The following GRIK1 variants were observed in gnomAD, a reference collection of about 807,000 sequenced individuals.
GRIK1 encodes glutamate receptor ionotropic, kainate 1.
In GRIK1, 69 loss-of-function variants were observed where a neutral mutation model predicts 105.7. The observed-to-expected ratio is 0.65, with a 90% confidence interval of 0.54 to 0.80. The LOEUF is 0.80. Ranked by LOEUF, GRIK1 falls within the 30% of genes least tolerant of loss-of-function variation. GRIK1 has a pLI of 0.00. For synonymous variants in GRIK1, 438 were observed against 431.3 expected (o/e 1.02, Z -0.19); for missense variants, 1,109 against 1,167.3 (o/e 0.95, Z 0.73).
At chr21:29,791,884 A>C (rs2066428461) in intron 1 of GRIK1, among the ~76,000 whole-genome samples, 1 of 152,220 alleles carries the variant, frequency 6.6e-6, no homozygotes, top group African/African-American at 2.4e-5. Context: ...GGGCCTATGT[A>C]TTCATGATAC....
chr21:29,633,762 G>A (rs2062336962), intron 7 of GRIK1, among the ~76,000 whole-genome samples: 1 of 152,144 alleles, frequency 6.6e-6, no homozygotes, highest in Non-Finnish European at 1.5e-5. Flanking sequence ...GTGAGGGGCT[G>A]CTGGGATTTA....
intron 1 of GRIK1, among the ~76,000 whole-genome samples, chr21:29,751,378 T>C (rs2065197302): frequency 6.6e-6 from 1 of 152,258 alleles, no homozygotes; most frequent in South Asian, 2.1e-4. Context: ...TTTCTGTCCT[T>C]AGCTTACCTC....
chr21:29,553,269 T>G (rs1326282799), intron 16 of GRIK1: 1 of 1,029,184 alleles, frequency 9.7e-7, no homozygotes, highest in African/African-American at 1.7e-5. Context: ...AAGAGTTACT[T>G]ATTTTTAATG....
intron 1 of GRIK1, among the ~76,000 whole-genome samples, chr21:29,832,190 T>C (rs930222474): frequency 7.2e-5 from 11 of 152,208 alleles, no homozygotes; most frequent in African/African-American, 2.7e-4. Context: ...TCCACCCCTA[T>C]GGATCTGCAG....
At chr21:29,884,917 G>A (rs931524494) in intron 1 of GRIK1, among the ~76,000 whole-genome samples, 6 of 151,964 alleles carry the variant, frequency 3.9e-5, no homozygotes, top group African/African-American at 9.7e-5. Context: ...AAATCACACA[G>A]ATACTGGTTC....
intron 1 of GRIK1, among the ~76,000 whole-genome samples, chr21:29,930,216 A>T (rs901997595): frequency 2.0e-5 from 3 of 152,182 alleles, no homozygotes; most frequent in Non-Finnish European, 2.9e-5. Context: ...TATTGCCTTT[A>T]GATTTGAAGA....
Position 29,561,670 on chromosome 21 carries a change from G to A in GRIK1, c.2310C>T (p.Ile770=), listed in dbSNP as rs144877234. 1.4e-5 allele frequency: 22 copies of A among 1,613,962 alleles called. 1 individual carries two copies. Among genetic ancestry groups the A allele is most frequent in the South Asian group, 9.9e-5 (9 of 91,064 alleles). The part of the protein sequence containing the change: ...VTQRNCNLTQ[I]GGLIDSKGYG... The stretch of plus-strand genomic sequence containing the variant: ...AACCTTTGGAGTCAATGAGGCCCCC[G>A]ATCTGAGTGAGGTTGCAGTTTCTCT... Residue 770 remains isoleucine (I), a synonymous_variant, in exon 15 of 18, where the codon ATC becomes ATT. Transcript: ENST00000327783.
chr21:29,659,011 A>G (rs915694860), intron 4 of GRIK1, among the ~76,000 whole-genome samples: 2 of 152,182 alleles, frequency 1.3e-5, no homozygotes, highest in African/African-American at 2.4e-5. Flanking sequence ...GATTGCTAGG[A>G]GGTTTAGGGT....
At chr21:29,679,218 A>T (rs569679768) in intron 3 of GRIK1, among the ~76,000 whole-genome samples, 1 of 152,268 alleles carries the variant, frequency 6.6e-6, no homozygotes, top group African/African-American at 2.4e-5. Context: ...TAGGGATGCT[A>T]TTCTCATTTC....
intron 1 of GRIK1, among the ~76,000 whole-genome samples, chr21:29,932,320 G>T (rs570854219): frequency 6.6e-6 from 1 of 152,174 alleles, no homozygotes; most frequent in East Asian, 1.9e-4. Context: ...TTATTATTTA[G>T]TCAATATCAT....
intron 7 of GRIK1, among the ~76,000 whole-genome samples, chr21:29,619,741 T>C (rs1226322611): frequency 6.6e-6 from 1 of 152,194 alleles, no homozygotes; most frequent in Non-Finnish European, 1.5e-5. Flanking sequence ...ACACTGAACA[T>C]ATTTCTTTAA....
At chr21:29,840,399 A>G (rs1309817965) in intron 1 of GRIK1, among the ~76,000 whole-genome samples, 1 of 152,158 alleles carries the variant, frequency 6.6e-6, no homozygotes, top group Admixed American at 6.6e-5. Context: ...GGACAATTTA[A>G]GTTTCATAGT....
intron 1 of GRIK1, among the ~76,000 whole-genome samples, chr21:29,884,528 G>A (rs2069538055): frequency 6.6e-6 from 1 of 151,970 alleles, no homozygotes; most frequent in Non-Finnish European, 1.5e-5. Flanking sequence ...GTTACTTGAT[G>A]GCCATGTTCA....
At chr21:29,858,591 A>T (rs2068537578) in intron 1 of GRIK1, among the ~76,000 whole-genome samples, 2 of 152,160 alleles carry the variant, frequency 1.3e-5, no homozygotes, top group African/African-American at 4.8e-5. Context: ...ATATCAGGGC[A>T]GTTCACAGCA....
At chr21:29,755,969 G>A (rs1388935618) in intron 1 of GRIK1, among the ~76,000 whole-genome samples, 7 of 152,170 alleles carry the variant, frequency 4.6e-5, no homozygotes, top group African/African-American at 1.2e-4. Context: ...TGAGGCCATG[G>A]TTATTAAGGT....
At chr21:29,762,430 G>A (rs1192420918) in intron 1 of GRIK1, among the ~76,000 whole-genome samples, 2 of 152,166 alleles carry the variant, frequency 1.3e-5, no homozygotes, top group African/African-American at 4.8e-5. Flanking sequence ...TGCAAATTGT[G>A]AGGAATTACA....
At chr21:29,861,000 T>A (rs1435662339) in intron 1 of GRIK1, among the ~76,000 whole-genome samples, 1 of 149,968 alleles carries the variant, frequency 6.7e-6, no homozygotes. Context: ...TTCATCTGGT[T>A]TTTTTTTTTA....
intron 1 of GRIK1, among the ~76,000 whole-genome samples, chr21:29,925,989 C>T (rs554638367): frequency 1.3e-5 from 2 of 151,960 alleles, no homozygotes; most frequent in Non-Finnish European, 2.9e-5. Flanking sequence ...ATATACCACT[C>T]GTTTGTAAAT....
chr21:29,815,732 T>C (rs540298963), intron 1 of GRIK1, among the ~76,000 whole-genome samples: 1 of 152,230 alleles, frequency 6.6e-6, no homozygotes, highest in African/African-American at 2.4e-5. Context: ...ATGAGCACAA[T>C]TAAAAATACT....
Sources: allele counts gnomAD v4.1 joint callset (sites outside exome capture counted in the v4.1 genomes callset), GRCh38; gene constraint gnomAD v4.1.1; transcripts MANE v1.5; gene names NCBI Gene and HGNC (gene_info 2026-07-23, HGNC 2026-07-21).